The following ALK variants were observed in gnomAD, a reference collection of about 807,000 sequenced individuals.
The protein encoded by ALK is ALK tyrosine kinase receptor.
ALK carries 74 observed loss-of-function variants against 163.1 expected under a neutral mutation model. That is an observed-to-expected ratio of 0.45 (90% CI 0.38 to 0.55). The LOEUF (loss-of-function observed/expected upper bound fraction) is 0.55. ALK is among the 20% of genes least tolerant of loss of function. The pLI is 0.00. For synonymous variants in ALK, 960 were observed against 843.2 expected, an observed-to-expected ratio of 1.14 and a Z score of -2.40; for missense variants, 2,063 against 2,105.3, an observed-to-expected ratio of 0.98 and a Z score of 0.39.
At chr2:29,875,433 T>C (rs1226486312) in intron 1 of ALK, among the ~76,000 whole-genome samples, 1 of 152,224 alleles carries the variant, frequency 6.6e-6, no homozygotes, top group Non-Finnish European at 1.5e-5. Context: ...TTTTACATTT[T>C]ACTTTAAGTT....
intron 5 of ALK, among the ~76,000 whole-genome samples, chr2:29,356,006 T>C (rs1668237166): frequency 6.6e-6 from 1 of 152,142 alleles, no homozygotes; most frequent in East Asian, 1.9e-4. Flanking sequence ...ATATTTACAC[T>C]ACAGAAATTG....
chr2:29,239,405 G>A lies in ALK; in HGVS notation c.2355+275C>T, dbSNP rs74535085. On this transcript the variant is annotated intron_variant, in intron 13 of 28. Coordinates refer to ENST00000389048, the MANE Select transcript of ALK (RefSeq NM_004304.5). ...AAAAGCTGTGCTTCAGGTGAGGGAG[G>A]GGGGGAGCCTGGCCCAACCAGGAGA... Among the ~76,000 whole-genome samples, 14,508 of 152,192 alleles carry A rather than the reference G, an allele frequency of 0.095. 751 individuals carry two copies. Among genetic ancestry groups the A allele is most frequent in the Non-Finnish European group, 0.11 (7,157 of 67,996 alleles).
intron 1 of ALK, among the ~76,000 whole-genome samples, chr2:29,826,868 G>C (rs1665217480): frequency 6.6e-6 from 1 of 152,222 alleles, no homozygotes; most frequent in South Asian, 2.1e-4. Context: ...CCAAGCTCAT[G>C]GCTGTAATTC....
intron 26 of ALK, among the ~76,000 whole-genome samples, chr2:29,200,036 A>T (rs1669118089): frequency 6.6e-6 from 1 of 152,188 alleles, no homozygotes; most frequent in Non-Finnish European, 1.5e-5. Flanking sequence ...TTATTATACA[A>T]CTAATCCGAG....
Position 29,227,814 on chromosome 2 carries a change from G to A in ALK, c.2816-142C>T, listed in dbSNP as rs1664054582. 1 of 674,976 alleles carries A rather than the reference G, an allele frequency of 1.5e-6. No individual in the cohort carries two copies. The highest frequency in any genetic ancestry group is 1.8e-5 in the African/African-American group (1 of 56,576). 41.8% of individuals were successfully genotyped at this position (674,976 alleles called of 1,614,324 possible). A position where few individuals can be genotyped will look rare whatever the true frequency, so the allele number is the denominator to read the frequency against. ...CAGGGGCAGGGATGCGGGGAGGGAA[G>A]GGAGGCTCAGGGCACAGAGGCTGCA... On this transcript the variant is annotated intron_variant, in intron 16 of 28. Transcript: ENST00000389048. The surrounding 1 kb of genome is among the most constrained non-coding windows in gnomAD (Gnocchi z 4.4).
At chr2:29,604,000 G>A (rs1675450013) in intron 3 of ALK, among the ~76,000 whole-genome samples, 1 of 151,546 alleles carries the variant, frequency 6.6e-6, no homozygotes, top group Admixed American at 6.6e-5. Flanking sequence ...AAATTATTTA[G>A]TATCCACTTC....
rs757123467 is a variant in ALK, at chr2:29,197,591, C to T, written c.4024G>A (p.Val1342Ile). The change falls in exon 27 of 29, where the codon GTC becomes ATC. Residue 1342 changes from valine to isoleucine, a missense_variant. By Grantham distance (29) the Val-to-Ile change is conservative (BLOSUM62 3). Around this residue, in one of 5 missense-constraint regions of ALK, gnomAD observed 403 missense variants for 366.2 expected, o/e 1.10. Coordinates refer to ENST00000389048, the MANE Select transcript of ALK (RefSeq NM_004304.5). Reference sequence around the variant, plus strand: ...GGGTCCATCCGGCCTCCACTGGTGACAAACTCCAGAACTTCCTGGTTGCTT... The same window carrying T: ...GGGTCCATCCGGCCTCCACTGGTGATAAACTCCAGAACTTCCTGGTTGCTT... ...SKSNQEVLEF[V>I]TSGGRMDPPK... 4 of 1,613,946 alleles carry T rather than the reference C, an allele frequency of 2.5e-6. No homozygotes were observed. In the South Asian group the frequency reaches 3.3e-5, roughly 13 times the overall value.
chr2:29,612,727 G>A (rs548253139), intron 3 of ALK, among the ~76,000 whole-genome samples: 2 of 152,264 alleles, frequency 1.3e-5, no homozygotes, highest in East Asian at 3.9e-4. Flanking sequence ...GGTGCTGGGA[G>A]TGGGGATGGG....
intron 3 of ALK, among the ~76,000 whole-genome samples, chr2:29,644,142 G>T (rs1413164249): frequency 6.6e-6 from 1 of 150,466 alleles, no homozygotes; most frequent in Non-Finnish European, 1.5e-5. Flanking sequence ...GCAAACTATC[G>T]CAAGGACAAA....
chr2:29,912,287 T>C (rs1300412076), intron 1 of ALK, among the ~76,000 whole-genome samples: 1 of 151,880 alleles, frequency 6.6e-6, no homozygotes, highest in East Asian at 1.9e-4. Flanking sequence ...AATAAAACCA[T>C]GCAGAGATAC....
chr2:29,802,892 C>A (rs1664521838), intron 1 of ALK, among the ~76,000 whole-genome samples: 1 of 151,574 alleles, frequency 6.6e-6, no homozygotes, highest in Non-Finnish European at 1.5e-5. Flanking sequence ...ACAGTGACAG[C>A]CATCCCCTCA....
At chr2:29,413,569 T>C (rs1293728448) in intron 4 of ALK, among the ~76,000 whole-genome samples, 11 of 152,136 alleles carry the variant, frequency 7.2e-5, no homozygotes, top group Admixed American at 7.2e-4. Flanking sequence ...CGTCACTCTT[T>C]TGCCCAGGCT....
At chr2:29,701,253 A>G (rs980643692) in intron 2 of ALK, among the ~76,000 whole-genome samples, 3 of 152,230 alleles carry the variant, frequency 2.0e-5, no homozygotes, top group African/African-American at 4.8e-5. Flanking sequence ...CTGTTAACCC[A>G]GAGACTAGTT....
At chr2:29,892,024 C>T (rs981781461) in intron 1 of ALK, among the ~76,000 whole-genome samples, 16 of 152,210 alleles carry the variant, frequency 1.1e-4, no homozygotes, top group African/African-American at 3.9e-4. Flanking sequence ...CCTAACCATG[C>T]CCTTTGAGGC....
rs778418435 is a variant in ALK, at chr2:29,920,594, C to G, written c.66G>C (p.Gly22=). Residue 22 remains glycine (G), a synonymous_variant, in exon 1 of 29, where the codon GGG becomes GGC. Transcript: ENST00000389048. ...LLLSTAAVGS[G]MGTGQRAGSP... ...AGCCCGCGCGCTGGCCGGTCCCCATCCCGGAGCCCACAGCTGCCGTGGAAA... is the reference window on the plus strand; with the variant it reads ...AGCCCGCGCGCTGGCCGGTCCCCATGCCGGAGCCCACAGCTGCCGTGGAAA... 4 of 1,569,336 alleles carry G rather than the reference C, an allele frequency of 2.5e-6. No individual in the cohort carries two copies. Among genetic ancestry groups the G allele is most frequent in the Non-Finnish European group, 2.6e-6 (3 of 1,163,732 alleles).
At chr2:29,830,809 T>G (rs184426303) in intron 1 of ALK, among the ~76,000 whole-genome samples, 45 of 129,482 alleles carry the variant, frequency 3.5e-4, no homozygotes, top group African/African-American at 1.3e-3. Flanking sequence ...GAGGCTGAGG[T>G]GGGAGGATCA....
At chr2:29,362,850 GAACA>G (rs962157077) in intron 5 of ALK, among the ~76,000 whole-genome samples, 2 of 150,604 alleles carry the variant, frequency 1.3e-5, no homozygotes, top group Admixed American at 6.6e-5. Context: ...ACAAACAAAT[GAACA>G]AACAAACAAA....
At chr2:29,332,374 T>A (rs1456243378) in intron 5 of ALK, among the ~76,000 whole-genome samples, 1 of 150,256 alleles carries the variant, frequency 6.7e-6, no homozygotes, top group Non-Finnish European at 1.5e-5. Flanking sequence ...CTATGTCTGT[T>A]TCATCCACAC....
At chr2:29,735,581 GT>G (rs1679868471) in intron 1 of ALK, among the ~76,000 whole-genome samples, 1 of 151,964 alleles carries the variant, frequency 6.6e-6, no homozygotes, top group South Asian at 2.1e-4. Context: ...GTTTGACCGT[GT>G]CCCCACCCAA....
Sources: gnomAD v4.1 joint callset for allele counts (sites outside exome capture counted in the v4.1 genomes callset) on GRCh38, gnomAD v4.1.1 for gene constraint, gnomAD v4.1.1 regional missense constraint, Gnocchi (gnomAD v3.1) non-coding constraint, MANE v1.5 for transcripts, NCBI Gene and HGNC (gene_info 2026-07-23, HGNC 2026-07-21) for gene names.